Variants in RUNX2 observed in about 807,000 individuals in gnomAD.
RUNX2 encodes the protein RUNX family transcription factor 2, also known as runt-related transcription factor 2.
In RUNX2, 10 loss-of-function variants were observed where a neutral mutation model predicts 51.7. The ratio of observed to expected loss-of-function variants is 0.19; its 90% CI spans 0.12 to 0.33. The LOEUF (loss-of-function observed/expected upper bound fraction) is 0.33, where lower values mean the gene tolerates loss of function less well. Among genes scored for constraint, RUNX2 ranks in the 10% least tolerant of loss-of-function variants. The pLI, the probability that RUNX2 is intolerant of heterozygous loss-of-function variation, is 1.00. For missense variants in RUNX2, 562 were observed against 691.3 expected (o/e 0.81, Z 2.10); for synonymous variants, 276 against 273.6 (o/e 1.01, Z -0.09).
At chr6:45,362,969 GTTTT>G (rs1012667122) in intron 2 of RUNX2, among the ~76,000 whole-genome samples, 1 of 151,578 alleles carries the variant, frequency 6.6e-6, no homozygotes, top group African/African-American at 2.4e-5. Flanking sequence ...GAACAGTTTG[GTTTT>G]TTTAATATTT....
intron 6 of RUNX2, among the ~76,000 whole-genome samples, chr6:45,508,220 C>CTTTTTTT (rs61501897): frequency 4.7e-4 from 31 of 65,680 alleles, no homozygotes; most frequent in East Asian, 6.4e-4. Flanking sequence ...CTTATATTTC[C>CTTTTTTT]TTTTTTTTTT....
chr6:45,423,200 T>TC (rs1187562834), intron 3 of RUNX2, among the ~76,000 whole-genome samples: 1 of 151,960 alleles, frequency 6.6e-6, no homozygotes, highest in East Asian at 1.9e-4. Context: ...TCAGCCCTAG[T>TC]CCCCCTGACC....
intron 2 of RUNX2, among the ~76,000 whole-genome samples, chr6:45,371,447 C>T (rs1385369644): frequency 6.6e-6 from 1 of 150,852 alleles, no homozygotes; most frequent in East Asian, 1.9e-4. Flanking sequence ...CTCCCTCTAC[C>T]AATGAGGAAA....
chr6:45,378,080 C>G (rs1218086636), intron 2 of RUNX2: 2 of 152,140 alleles, frequency 1.3e-5, no homozygotes, highest in African/African-American at 2.4e-5. Context: ...CGCGCGCTCT[C>G]CCAGCCCGAG....
At position 45,545,083 on chromosome 6, in the gene RUNX2, A is replaced by G. The variant is rs1802356276; in HGVS notation, c.1022-134A>G. ...CTTATGGGCCTGCAGACTCTGGGAA[A>G]TACTAATGAGGGATGGGAACCTCTC... is the stretch of plus-strand genomic sequence containing the variant. On this transcript the variant is annotated intron_variant, in intron 7 of 8. Coordinates refer to ENST00000647337, the MANE Select transcript of RUNX2 (RefSeq NM_001024630.4). The G allele has an allele frequency of 6.6e-6, 5 of 755,594 alleles. No homozygotes were observed. The East Asian group carries it at 1.1e-4, about 16-fold the overall frequency. 46.8% of individuals were successfully genotyped at this position (755,594 alleles called of 1,614,324 possible). A position where few individuals can be genotyped will look rare whatever the true frequency, so the allele number is the denominator to read the frequency against.
Position 45,345,958 on chromosome 6 carries a change from CG to C in RUNX2, c.58+17175del, listed in dbSNP as rs1790768303. Among the ~76,000 whole-genome samples, 4 of 152,098 alleles carry C rather than the reference CG, an allele frequency of 2.6e-5. No individual in the cohort carries two copies. The South Asian group carries it at 8.3e-4, about 32-fold the overall frequency. ...CTGTGTCTTTGATCATGCTGTCTCCCGTACTTGCAATATTCCCTACCTATCC... is the reference window on the plus strand; with the variant it reads ...CTGTGTCTTTGATCATGCTGTCTCCCTACTTGCAATATTCCCTACCTATCC... On this transcript the variant is annotated intron_variant, in intron 2 of 8. Coordinates refer to ENST00000647337, the MANE Select transcript of RUNX2 (RefSeq NM_001024630.4).
chr6:45,433,619 C>CT (rs1373770837), intron 4 of RUNX2, among the ~76,000 whole-genome samples: 3 of 151,872 alleles, frequency 2.0e-5, no homozygotes, highest in Non-Finnish European at 4.4e-5. Context: ...TGCTGCATAA[C>CT]TTTTTTCTGA....
At chr6:45,416,585 A>G (rs1798073110) in intron 2 of RUNX2, among the ~76,000 whole-genome samples, 1 of 152,204 alleles carries the variant, frequency 6.6e-6, no homozygotes, top group African/African-American at 2.4e-5. Flanking sequence ...ACTGCTGCTC[A>G]AAGATCACTG....
intron 5 of RUNX2, among the ~76,000 whole-genome samples, chr6:45,456,928 T>C (rs1039323566): frequency 4.6e-5 from 7 of 152,316 alleles, no homozygotes; most frequent in African/African-American, 1.4e-4. Flanking sequence ...TGAAATTGGT[T>C]AGTATGATTC....
chr6:45,547,358 A>T lies in RUNX2; in HGVS notation c.*53A>T. Reference sequence around the variant, plus strand: ...CTGGGGGCCACATCCCACACGTATCAATATATACATATATAGAGAGAGTGC... The same window carrying T: ...CTGGGGGCCACATCCCACACGTATCTATATATACATATATAGAGAGAGTGC... On this transcript the variant is annotated 3_prime_UTR_variant, in exon 9 of 9. Coordinates refer to ENST00000647337, the MANE Select transcript of RUNX2 (RefSeq NM_001024630.4). 7.0e-6 allele frequency: 9 copies of T among 1,288,886 alleles called. No homozygotes were observed. Among genetic ancestry groups the T allele is most frequent in the Non-Finnish European group, 1.0e-5 (9 of 885,620 alleles). The allele number at this position is 1,288,886 out of a possible 1,614,324, so 79.8% of individuals were successfully genotyped here. A position where few individuals can be genotyped will look rare whatever the true frequency, so the allele number is the denominator to read the frequency against.
intron 5 of RUNX2, among the ~76,000 whole-genome samples, chr6:45,440,732 C>A (rs973444019): frequency 6.6e-6 from 1 of 151,912 alleles, no homozygotes; most frequent in African/African-American, 2.4e-5. Context: ...ACATGAAATT[C>A]ATGTATGTTT....
At chr6:45,329,646 G>T (rs1787058155) in intron 2 of RUNX2, among the ~76,000 whole-genome samples, 1 of 151,826 alleles carries the variant, frequency 6.6e-6, no homozygotes, top group Admixed American at 6.6e-5. Flanking sequence ...GAAAAATAAA[G>T]CTCCATAAGG....
intron 2 of RUNX2, among the ~76,000 whole-genome samples, chr6:45,332,747 T>C (rs1787764458): frequency 6.6e-6 from 1 of 151,694 alleles, no homozygotes; most frequent in African/African-American, 2.4e-5. Context: ...TGCCATCAAC[T>C]CAATGTGAAA....
chr6:45,467,245 C>T (rs1799660199), intron 5 of RUNX2, among the ~76,000 whole-genome samples: 1 of 152,156 alleles, frequency 6.6e-6, no homozygotes, highest in Non-Finnish European at 1.5e-5. Flanking sequence ...TATGACTGGT[C>T]CTCTTTCTCT....
chr6:45,387,258 A>G (rs1797370147), intron 2 of RUNX2, among the ~76,000 whole-genome samples: 1 of 152,240 alleles, frequency 6.6e-6, no homozygotes, highest in Admixed American at 6.5e-5. Context: ...TGACTGTACA[A>G]AATCTCAGTG....
rs183080305 is a variant in RUNX2 at position 45,513,729 on chromosome 6, G to A, written c.1021+1322G>A. 2.6e-5 allele frequency: 4 copies of A among 152,312 alleles called. No individual in the cohort carries two copies. In the East Asian group the frequency reaches 7.7e-4, roughly 29 times the overall value. 9.4% of individuals were successfully genotyped at this position (152,312 alleles called of 1,614,324 possible). ...AAACCATGTTACCACTTTTCATTAT[G>A]ACTCCTGTTATCATTTTTACGAATC... On this transcript the variant is annotated intron_variant, in intron 7 of 8. Coordinates refer to ENST00000647337, the MANE Select transcript of RUNX2 (RefSeq NM_001024630.4).
intron 7 of RUNX2, among the ~76,000 whole-genome samples, chr6:45,530,132 C>G (rs911934228): frequency 2.6e-5 from 4 of 152,190 alleles, no homozygotes; most frequent in African/African-American, 9.7e-5. Context: ...GGCTAAGTTG[C>G]CTTCCTCCTG....
chr6:45,330,556 GAAGTA>G (rs1238581421), intron 2 of RUNX2, among the ~76,000 whole-genome samples: 2 of 151,946 alleles, frequency 1.3e-5, no homozygotes, highest in Non-Finnish European at 1.5e-5. Flanking sequence ...TTCAGTATTA[GAAGTA>G]AAGTTATCAT....
chr6:45,339,414 A>C (rs1000774574), intron 2 of RUNX2, among the ~76,000 whole-genome samples: 2 of 152,192 alleles, frequency 1.3e-5, no homozygotes, highest in African/African-American at 4.8e-5. Context: ...TAAAGACAAA[A>C]TGCATATCCA....
Sources: allele counts gnomAD v4.1 joint callset (sites outside exome capture counted in the v4.1 genomes callset), GRCh38; gene constraint gnomAD v4.1.1; transcripts MANE v1.5; gene names NCBI Gene and HGNC (gene_info 2026-07-23, HGNC 2026-07-21).